Variants in TGFBRAP1 observed in about 807,000 individuals in gnomAD.
The protein encoded by TGFBRAP1 is transforming growth factor-beta receptor-associated protein 1.
In TGFBRAP1, 20 loss-of-function variants were observed where a neutral mutation model predicts 83.2. The observed-to-expected ratio is 0.24, with a 90% CI of 0.17 to 0.35. The LOEUF is 0.35. TGFBRAP1 is among the 10% of genes least tolerant of loss of function. The pLI, the probability that TGFBRAP1 is intolerant of heterozygous loss-of-function variation, is 1.00. For missense variants in TGFBRAP1, 950 were observed against 1,099.4 expected (o/e 0.86, Z 1.92); for synonymous variants, 415 against 459.8 (o/e 0.90, Z 1.25).
Position 105,307,487 on chromosome 2 carries a change from G to T in TGFBRAP1, c.688+127C>A. On this transcript the variant is annotated intron_variant, in intron 2 of 11. Transcript: ENST00000393359. ...GCACTGGTCAAGCACTGCTACCTCT[G>T]TCTTGCCACACACGCCCAATGTCAC... 11 of 1,024,842 alleles carry T rather than the reference G, an allele frequency of 1.1e-5. No homozygotes were observed. The South Asian group carries it at 1.4e-4, about 13-fold the overall frequency. The allele number at this position is 1,024,842 out of a possible 1,614,324, so 63.5% of individuals were successfully genotyped here. A position where few individuals can be genotyped will look rare whatever the true frequency, so the allele number is the denominator to read the frequency against.
downstream of TGFBRAP1, among the ~76,000 whole-genome samples, chr2:105,261,892 C>A (rs1265018553): frequency 6.6e-6 from 1 of 152,160 alleles, no homozygotes; most frequent in African/African-American, 2.4e-5. Flanking sequence ...GTAGAGTGGG[C>A]TAGAGTCACT....
chr2:105,279,171 A>G (rs1363914761), intron 6 of TGFBRAP1, among the ~76,000 whole-genome samples: 1 of 152,226 alleles, frequency 6.6e-6, no homozygotes, highest in African/African-American at 2.4e-5. Flanking sequence ...AGAATGGAGA[A>G]GCTGCTGGCC....
chr2:105,285,013 C>T (rs1366604667), intron 4 of TGFBRAP1, among the ~76,000 whole-genome samples: 1 of 152,204 alleles, frequency 6.6e-6, no homozygotes, highest in African/African-American at 2.4e-5. Context: ...GCAAAATGCA[C>T]ATTAGGAACC....
At chr2:105,292,191 A>T (rs562512676) in intron 4 of TGFBRAP1, among the ~76,000 whole-genome samples, 1 of 152,234 alleles carries the variant, frequency 6.6e-6, no homozygotes, top group African/African-American at 2.4e-5. Context: ...AGCATTCCAC[A>T]CATATTTGTC....
intron 2 of TGFBRAP1, among the ~76,000 whole-genome samples, chr2:105,304,102 GA>G (rs1278383195): frequency 2.0e-5 from 3 of 152,160 alleles, no homozygotes; most frequent in Admixed American, 6.5e-5. Context: ...GCTAATAGGG[GA>G]AATATGACAC....
Position 105,273,551 on chromosome 2 carries a change from C to T in TGFBRAP1, c.1805G>A (p.Arg602Lys). Residue 602 changes from arginine to lysine, a missense_variant, in exon 9 of 12, where the codon AGA becomes AAA. Transcript: ENST00000393359. ...KYLEHLVIDKRLQKEEYHTHL... is the reference protein window; with the variant it reads ...KYLEHLVIDKKLQKEEYHTHL... ...AACTTCTGCAGTGCTCACCTGCAGT[C>T]TCTTGTCTATCACAAGATGTTCCAG... is the stretch of plus-strand genomic sequence containing the variant. 6.2e-7 allele frequency: 1 copy of T among 1,614,134 alleles called. No homozygotes were observed. The highest frequency in any genetic ancestry group is 8.5e-7 in the Non-Finnish European group (1 of 1,180,012).
At chr2:105,310,831 T>G (rs1224366609) in intron 1 of TGFBRAP1, among the ~76,000 whole-genome samples, 1 of 152,198 alleles carries the variant, frequency 6.6e-6, no homozygotes, top group East Asian at 1.9e-4. Flanking sequence ...TACAAAATAC[T>G]TCTTCCTTCA....
At chr2:105,304,369 A>T (rs1349406329) in intron 2 of TGFBRAP1, among the ~76,000 whole-genome samples, 2 of 152,216 alleles carry the variant, frequency 1.3e-5, no homozygotes, top group Admixed American at 6.5e-5. Context: ...TACAATAAAA[A>T]ATTTCACAGT....
intron 4 of TGFBRAP1, among the ~76,000 whole-genome samples, chr2:105,290,615 CAGTGTGTGTG>C (rs1394297903): frequency 9.6e-5 from 10 of 103,782 alleles, no homozygotes; most frequent in East Asian, 2.3e-4. Context: ...AACAGAGAGA[CAGTGTGTGTG>C]TGTGTGTGTG....
At chr2:105,273,050 T>C (rs753480999) in intron 9 of TGFBRAP1, 36 bp from the exon 10 acceptor site, 2 of 1,596,724 alleles carry the variant, frequency 1.3e-6, no homozygotes, top group South Asian at 2.2e-5. Context: ...AGACAGACAG[T>C]GTTTTCAAGT....
At chr2:105,301,130 GA>G (rs1269183174) in intron 2 of TGFBRAP1, among the ~76,000 whole-genome samples, 1 of 152,164 alleles carries the variant, frequency 6.6e-6, no homozygotes, top group Admixed American at 6.5e-5. Context: ...AATGAGGCAG[GA>G]AGATCACTTG....
At chr2:105,270,647 T>C (rs1225966672) in intron 10 of TGFBRAP1, among the ~76,000 whole-genome samples, 1 of 152,234 alleles carries the variant, frequency 6.6e-6, no homozygotes, top group Non-Finnish European at 1.5e-5. Flanking sequence ...CTGAAGAACA[T>C]GGCAGACATT....
At chr2:105,254,670 C>G in the TGFBRAP1 span, among the ~76,000 whole-genome samples, 1 of 151,984 alleles carries the variant, frequency 6.6e-6, no homozygotes, top group Admixed American at 6.6e-5. Flanking sequence ...GGAAGGGTTT[C>G]CAGACTCGTG....
At chr2:105,296,724 C>G (rs1474348652) in intron 3 of TGFBRAP1, among the ~76,000 whole-genome samples, 1 of 145,420 alleles carries the variant, frequency 6.9e-6, no homozygotes, top group Non-Finnish European at 1.5e-5. Context: ...TATGACATTT[C>G]CAAAGAATAA....
intron 4 of TGFBRAP1, among the ~76,000 whole-genome samples, chr2:105,291,072 G>A (rs1300188906): frequency 1.3e-5 from 2 of 152,224 alleles, no homozygotes; most frequent in East Asian, 3.9e-4. Flanking sequence ...TGTTACGGAC[G>A]GAATGCTTGT....
rs1459012871 is a variant in TGFBRAP1 at position 105,265,085 on chromosome 2, A to G, written c.*2298T>C. The G allele has an allele frequency of 1.3e-5, 2 of 152,248 alleles. No homozygotes were observed. The highest frequency in any genetic ancestry group is 3.8e-4 in the East Asian group (2 of 5,200). The allele number at this position is 152,248 out of a possible 1,614,324, so 9.4% of individuals were successfully genotyped here. On this transcript the variant is annotated 3_prime_UTR_variant, in exon 12 of 12. Coordinates refer to ENST00000393359, the MANE Select transcript of TGFBRAP1 (RefSeq NM_004257.6). ...TGCTGCTTGTGGTGAAGGATTTGGT[A>G]GAGATGGAAAACTGCTCAACTTTAA...
At chr2:105,251,463 G>T in the TGFBRAP1 span, among the ~76,000 whole-genome samples, 1 of 151,108 alleles carries the variant, frequency 6.6e-6, no homozygotes. Context: ...CAACCGCCCC[G>T]TCTGAGAAGT....
intron 2 of TGFBRAP1, among the ~76,000 whole-genome samples, chr2:105,300,729 G>A (rs961000669): frequency 1.3e-5 from 2 of 152,156 alleles, no homozygotes; most frequent in South Asian, 2.1e-4. Flanking sequence ...GAGCCACTGC[G>A]CCCAGCCTAT....
intron 1 of TGFBRAP1, among the ~76,000 whole-genome samples, chr2:105,318,325 C>G (rs1254242990): frequency 2.0e-5 from 3 of 152,140 alleles, no homozygotes; most frequent in African/African-American, 7.2e-5. Context: ...GAGGATGGGA[C>G]TGGGTATGGG....
Sources: gnomAD v4.1 joint callset for allele counts (sites outside exome capture counted in the v4.1 genomes callset) on GRCh38, gnomAD v4.1.1 for gene constraint, MANE v1.5 for transcripts, NCBI Gene and HGNC (gene_info 2026-07-23, HGNC 2026-07-21) for gene names.